SYT12: variants seen among roughly 807,000 people sequenced by gnomAD.
The protein encoded by SYT12 is synaptotagmin 12, also known as synaptotagmin-12.
SYT12 carries 27 observed loss-of-function variants against 39.5 expected under a neutral mutation model. That is an observed-to-expected ratio of 0.68 (90% CI 0.50 to 0.94). SYT12 has a LOEUF of 0.94. SYT12 is among the 40% of genes least tolerant of loss of function. SYT12 has a pLI of 0.00. For synonymous variants in SYT12, 233 were observed against 239.7 expected, an observed-to-expected ratio of 0.97 and a Z score of 0.26; for missense variants, 536 against 572.6, an observed-to-expected ratio of 0.94 and a Z score of 0.65.
intron 1 of SYT12, chr11:67,027,893 G>C (rs1030783799): frequency 6.6e-6 from 1 of 152,272 alleles, no homozygotes; most frequent in Non-Finnish European, 1.5e-5. Context: ...AGCAGGCTGG[G>C]AGGTGCGTGT....
chr11:67,039,206 G>A (rs1243206004), intron 3 of SYT12, among the ~76,000 whole-genome samples: 1 of 152,002 alleles, frequency 6.6e-6, no homozygotes, highest in Non-Finnish European at 1.5e-5. Context: ...AGGAGGCTGA[G>A]GCAGGAGAAT....
At chr11:67,021,718 C>CGAAGAAAATGGACTCAAATG (rs1170945751), upstream of SYT12, among the ~76,000 whole-genome samples, 2 of 152,076 alleles carry the variant, frequency 1.3e-5, no homozygotes, top group Non-Finnish European at 2.9e-5. Flanking sequence ...GGGTGTCCTG[C>CGAAGAAAATGGACTCAAATG]GAAGAAAATG....
intron 1 of SYT12, among the ~76,000 whole-genome samples, chr11:67,009,697 G>A (rs963205976): frequency 4.6e-5 from 7 of 151,538 alleles, no homozygotes; most frequent in African/African-American, 1.7e-4. Context: ...CCAGCATCTA[G>A]TAGGAACAGA....
chr11:67,024,666 C>T (rs1950157515), intron 1 of SYT12, among the ~76,000 whole-genome samples: 1 of 152,188 alleles, frequency 6.6e-6, no homozygotes, highest in Non-Finnish European at 1.5e-5. Flanking sequence ...GCCAGCACCT[C>T]CCAGCCAGTC....
chr11:67,030,437 TC>T, intron 2 of SYT12: 1 of 483,046 alleles, frequency 2.1e-6, no homozygotes, highest in Non-Finnish European at 3.7e-6. Flanking sequence ...CTTGAAAGGG[TC>T]CCCGGGGAGA....
At chr11:67,045,591 TG>T in intron 6 of SYT12, 152 bp from the exon 7 acceptor site, 19 of 1,110,056 alleles carry the variant, frequency 1.7e-5, no homozygotes, top group Non-Finnish European at 2.3e-5. Context: ...ATCTGTGAAA[TG>T]GGAAAAATAA....
At chr11:67,044,123 T>G (rs1322770749) in intron 5 of SYT12, among the ~76,000 whole-genome samples, 1 of 152,184 alleles carries the variant, frequency 6.6e-6, no homozygotes, top group Non-Finnish European at 1.5e-5. Context: ...TAGAGAAACA[T>G]TCCTCTAGCC....
At chr11:67,025,519 CT>C (rs1276493887) in intron 1 of SYT12, among the ~76,000 whole-genome samples, 1 of 152,152 alleles carries the variant, frequency 6.6e-6, no homozygotes, top group African/African-American at 2.4e-5. Flanking sequence ...CGGGGATGCT[CT>C]GGTCACAGGC....
chr11:67,021,537 T>C (rs1051998190), upstream of SYT12, among the ~76,000 whole-genome samples: 11 of 152,208 alleles, frequency 7.2e-5, no homozygotes, highest in Admixed American at 7.2e-4. Context: ...TACCTCAGCC[T>C]CCTAAAGTGC....
chr11:67,050,058 A>G lies in SYT12; in HGVS notation c.*1301A>G, dbSNP rs1854703480. The G allele has an allele frequency of 6.6e-6, 1 of 152,202 alleles. No individual in the cohort carries two copies. The highest frequency in any genetic ancestry group is 2.1e-4 in the South Asian group (1 of 4,826). 9.4% of individuals were successfully genotyped at this position (152,202 alleles called of 1,614,324 possible). On this transcript the variant is annotated 3_prime_UTR_variant, in exon 8 of 8. Transcript: ENST00000527043. ...AGGAAGCCACGCAAGTGTGGCTTCAAGATCCATCGCCTTGGCCTGATCGCT... is the reference window on the plus strand; with the variant it reads ...AGGAAGCCACGCAAGTGTGGCTTCAGGATCCATCGCCTTGGCCTGATCGCT...
chr11:67,021,346 A>T (rs541246617), upstream of SYT12, among the ~76,000 whole-genome samples: 1 of 150,152 alleles, frequency 6.7e-6, no homozygotes, highest in South Asian at 2.1e-4. Flanking sequence ...TTTGTTTGAG[A>T]TGGAGTCTTG....
chr11:67,025,938 G>A (rs1326712593), intron 1 of SYT12, among the ~76,000 whole-genome samples: 2 of 152,156 alleles, frequency 1.3e-5, no homozygotes, highest in Admixed American at 6.5e-5. Context: ...CTCTACCACC[G>A]CTGGCTGTGT....
intron 7 of SYT12, among the ~76,000 whole-genome samples, chr11:67,047,124 C>A (rs769065987): frequency 1.3e-5 from 2 of 152,006 alleles, no homozygotes; most frequent in Non-Finnish European, 2.9e-5. Context: ...GCCACCACAC[C>A]TGGCTAATTT....
intron 3 of SYT12, among the ~76,000 whole-genome samples, chr11:67,015,346 T>C (rs1331510871): frequency 6.6e-6 from 1 of 152,234 alleles, no homozygotes; most frequent in East Asian, 1.9e-4. Flanking sequence ...CCATGAGTGC[T>C]GGCCTCCAAT....
intron 1 of SYT12, among the ~76,000 whole-genome samples, chr11:67,009,533 C>T (rs999246044): frequency 6.6e-6 from 1 of 152,160 alleles, no homozygotes; most frequent in Non-Finnish European, 1.5e-5. Context: ...CTAAAGTGAT[C>T]CACCCACCAC....
rs1950327703 is a variant in SYT12 at position 67,034,765 on chromosome 11, C to T, written c.155C>T (p.Ser52Phe). The T allele has an allele frequency of 6.2e-7, 1 of 1,603,220 alleles. No individual in the cohort carries two copies. Among genetic ancestry groups the T allele is most frequent in the Non-Finnish European group, 8.5e-7 (1 of 1,176,214 alleles). ...LWTSGSFPSP[S>F]PFPNYDYRYL... ...ACGTCGGGGAGCTTCCCCAGCCCCT[C>T]TCCGTTCCCCAATTACGACTACAGG... The change falls in exon 3 of 8, where the codon TCT becomes TTT. Residue 52 changes from serine (S) to phenylalanine (F), a missense_variant. Transcript: ENST00000527043.
Position 67,048,779 on chromosome 11 carries a change from G to T in SYT12, c.*22G>T. 6.3e-7 allele frequency: 1 copy of T among 1,583,524 alleles called. No homozygotes were observed. The highest frequency in any genetic ancestry group is 8.6e-7 in the Non-Finnish European group (1 of 1,158,238). ...CTAGCAACCAGGGCGGGCCAGTTGG[G>T]CAATGGAGCTGCTGGAGCCCGGTAC... On this transcript the variant is annotated 3_prime_UTR_variant, in exon 8 of 8. Coordinates refer to ENST00000527043, the MANE Select transcript of SYT12 (RefSeq NM_177963.4).
rs192209755 is a variant in SYT12, at chr11:67,015,560, A to G, written c.-69+4566A>G. ...CTCTCCTCGGGAGAGAAAAGCGCTC[A>G]GGACTTGGAGCCAGGACTGGTGGGC... is the stretch of plus-strand genomic sequence containing the variant. On this transcript the variant is annotated intron_variant, in intron 3 of 10. Coordinates refer to the SYT12 transcript ENST00000393946. Among the ~76,000 whole-genome samples, 19 of 152,312 alleles carry G rather than the reference A, an allele frequency of 1.2e-4. No individual in the cohort carries two copies. The East Asian group carries it at 3.1e-3, about 25-fold the overall frequency.
At position 67,040,069 on chromosome 11, in the gene SYT12, G is replaced by C. The variant is rs201929626; in HGVS notation, c.487G>C (p.Asp163His). 3 of 1,613,880 alleles carry C rather than the reference G, an allele frequency of 1.9e-6. No homozygotes were observed. The highest frequency in any genetic ancestry group is 1.7e-5 in the Admixed American group (1 of 60,006). ...CCAGGTGGAGGTGAGCATGGAGTAC[G>C]ACACTGCCTCCCACACGCTGAACGT... ...LGQVEVSMEY[D>H]TASHTLNVAV... The change falls in exon 4 of 8, where the codon GAC (aspartate) becomes CAC (histidine). Residue 163 changes from aspartate (D) to histidine (H), a missense_variant. Asp to His is a moderately conservative substitution (Grantham distance 81). Transcript: ENST00000527043.
Sources: allele counts gnomAD v4.1 joint callset (sites outside exome capture counted in the v4.1 genomes callset), GRCh38; gene constraint gnomAD v4.1.1; transcripts MANE v1.5; gene names NCBI Gene and HGNC (gene_info 2026-07-23, HGNC 2026-07-21).